COL5A1: variants seen among roughly 807,000 people sequenced by gnomAD.
The protein encoded by COL5A1 is collagen alpha-1(V) chain.
Under a neutral mutation model 263.7 loss-of-function variants are expected in COL5A1, and 16 were observed. That is an observed-to-expected ratio of 0.06 (90% CI 0.04 to 0.09). The LOEUF (loss-of-function observed/expected upper bound fraction) is 0.09. COL5A1 is among the 10% of genes least tolerant of loss of function. The pLI is 1.00. For synonymous variants in COL5A1, 1,012 were observed against 1,004.5 expected, an observed-to-expected ratio of 1.01 and a Z score of -0.14; for missense variants, 2,036 against 2,540.5, an observed-to-expected ratio of 0.80 and a Z score of 4.27.
At chr9:134,664,607 G>A (rs771107255) in intron 1 of COL5A1, among the ~76,000 whole-genome samples, 1 of 152,236 alleles carries the variant, frequency 6.6e-6, no homozygotes, top group Non-Finnish European at 1.5e-5. Flanking sequence ...CTCACAAGGA[G>A]AGAATGGAGG....
intron 4 of COL5A1, among the ~76,000 whole-genome samples, chr9:134,721,437 CCATCACTATCTCGTCT>C (rs1834452823): frequency 6.6e-6 from 1 of 152,096 alleles, no homozygotes; most frequent in South Asian, 2.1e-4. Context: ...TGTTTGGATC[CCATCACTATCTCGTCT>C]CTGCTCTGAA....
At chr9:134,711,457 A>C (rs868456157) in intron 4 of COL5A1, among the ~76,000 whole-genome samples, 1 of 152,120 alleles carries the variant, frequency 6.6e-6, no homozygotes, top group Non-Finnish European at 1.5e-5. Flanking sequence ...GTCTGTTTGA[A>C]GATCCAGCAG....
chr9:134,841,346 T>G lies in COL5A1; in HGVS notation c.5371-811T>G, dbSNP rs1830098116. On this transcript the variant is annotated intron_variant, in intron 65 of 65. Coordinates refer to ENST00000371817, the MANE Select transcript of COL5A1 (RefSeq NM_000093.5). This position sits in a 1 kb window ranked among gnomAD's most constrained non-coding sequence, Gnocchi z 4.8. ...CTCAGTTATAAAGAACACTGGGAGT[T>G]ATATTTGGGTGGCTTTGGGGAGGGA... is the stretch of plus-strand genomic sequence containing the variant. Among the ~76,000 whole-genome samples, 1 of 152,010 alleles carries G rather than the reference T, an allele frequency of 6.6e-6. No individual in the cohort carries two copies. Among genetic ancestry groups the G allele is most frequent in the African/African-American group, 2.4e-5 (1 of 41,388 alleles).
chr9:134,833,436 G>A (rs1158734646), intron 64 of COL5A1, among the ~76,000 whole-genome samples: 1 of 152,226 alleles, frequency 6.6e-6, no homozygotes, highest in Non-Finnish European at 1.5e-5. Flanking sequence ...CAGAGACTGG[G>A]AGGGCTTTCA....
At chr9:134,817,743 A>C (rs746472169) in intron 53 of COL5A1, 35 bp from the exon 54 acceptor site, 1 of 1,605,020 alleles carries the variant, frequency 6.2e-7, no homozygotes, top group Admixed American at 1.7e-5. Flanking sequence ...CCTGCAGGCC[A>C]CACTCACCAC....
At chr9:134,753,625 A>G (rs1835868492) in intron 14 of COL5A1, among the ~76,000 whole-genome samples, 1 of 152,218 alleles carries the variant, frequency 6.6e-6, no homozygotes, top group Non-Finnish European at 1.5e-5. Flanking sequence ...CTAGAATTGT[A>G]TTCCTGATTA....
At chr9:134,656,733 C>T (rs1164442418) in intron 1 of COL5A1, among the ~76,000 whole-genome samples, 2 of 151,498 alleles carry the variant, frequency 1.3e-5, no homozygotes, top group Admixed American at 6.6e-5. Context: ...GCTGTTAATA[C>T]GGAGGTTGGG....
chr9:134,708,427 G>C (rs770336441), intron 4 of COL5A1: 22 of 410,194 alleles, frequency 5.4e-5, no homozygotes, highest in Admixed American at 5.1e-4. Context: ...CCCGGGGTGG[G>C]GGCTCTGGTG....
At chr9:134,809,126 G>T (rs1284280727) in intron 42 of COL5A1, 57 bp from the exon 43 acceptor site, 12 of 1,382,632 alleles carry the variant, frequency 8.7e-6, no homozygotes, top group South Asian at 2.5e-5. Flanking sequence ...ATGAGCTGGT[G>T]GGGGGATGTT....
chr9:134,807,075 G>A (rs1430521125), intron 42 of COL5A1, among the ~76,000 whole-genome samples: 8 of 152,186 alleles, frequency 5.3e-5, no homozygotes, highest in African/African-American at 1.7e-4. Flanking sequence ...TTACCGTCCA[G>A]AAGTGGTCCA....
chr9:134,836,170 G>A lies in COL5A1; in HGVS notation c.5370+966G>A, dbSNP rs148252684. ...GGGTAAACGGGAAGCGGTTTACTCC[G>A]CTCCCAGCTCTGCAGGCTGTCCAGG... On this transcript the variant is annotated intron_variant, in intron 65 of 65. Transcript: ENST00000371817. Among the ~76,000 whole-genome samples, 724 of 152,322 alleles carry A rather than the reference G, an allele frequency of 4.8e-3. 6 individuals carry two copies. Among genetic ancestry groups the A allele is most frequent in the Non-Finnish European group, 8.0e-3 (543 of 68,026 alleles).
rs760262319 is a variant in COL5A1, at chr9:134,668,954, CCCATCCAT to C, written c.110-21930_110-21923del. ...AATCATCCATCCTTCCACCCACCCACCCATCCATCCATCCATCCATCCATCCATCCATC... is the reference window on the plus strand; with the variant it reads ...AATCATCCATCCTTCCACCCACCCACCCATCCATCCATCCATCCATCCATC... On this transcript the variant is annotated intron_variant, in intron 1 of 65. Transcript: ENST00000371817. Among the ~76,000 whole-genome samples the C allele has an allele frequency of 8.1e-5, 9 of 110,510 alleles. No homozygotes were observed. The East Asian group carries it at 1.9e-3, about 23-fold the overall frequency. 72.5% of individuals were successfully genotyped at this position (110,510 alleles called of 152,430 possible). A position where few individuals can be genotyped will look rare whatever the true frequency, so the allele number is the denominator to read the frequency against.
chr9:134,776,617 C>T (rs1013138737), intron 27 of COL5A1, among the ~76,000 whole-genome samples: 2 of 152,152 alleles, frequency 1.3e-5, no homozygotes, highest in East Asian at 1.9e-4. Context: ...TTGCGTGGGC[C>T]GAGCTGCCGC....
In COL5A1 at chr9:134,771,785, T is replaced by C. The variant is rs554928621; in HGVS notation, c.2287-1005T>C. 1.6e-4 allele frequency among the ~76,000 whole-genome samples: 25 copies of C among 152,224 alleles called. No individual in the cohort carries two copies. In the South Asian group the frequency reaches 2.3e-3, roughly 14 times the overall value. ...GCCCAAGCTCACACAGCAGGTTGAGTGTGTCCAGGAGTAGAACCCACCCTG... is the reference window on the plus strand; with the variant it reads ...GCCCAAGCTCACACAGCAGGTTGAGCGTGTCCAGGAGTAGAACCCACCCTG... On this transcript the variant is annotated intron_variant, in intron 25 of 65. Transcript: ENST00000371817.
intron 1 of COL5A1, among the ~76,000 whole-genome samples, chr9:134,651,262 C>T: frequency 6.6e-6 from 1 of 152,192 alleles, no homozygotes; most frequent in East Asian, 1.9e-4. Flanking sequence ...GACATAAAAA[C>T]AGTGTGGCGA....
At chr9:134,782,009 C>T (rs1160736034) in intron 28 of COL5A1, among the ~76,000 whole-genome samples, 2 of 152,226 alleles carry the variant, frequency 1.3e-5, no homozygotes, top group African/African-American at 4.8e-5. Flanking sequence ...CACCCGTGCC[C>T]TCTGCTGAAG....
rs529237611 is a variant in COL5A1 at position 134,747,167 on chromosome 9, CCTT to C, written c.1495-3369_1495-3367del. ...CTTTCCTTTCTTCTCCACACTGTCT[CCTT>C]CTTCTAGGACTTCACGTTATCCTTG... On this transcript the variant is annotated intron_variant, in intron 11 of 65. Transcript: ENST00000371817. Among the ~76,000 whole-genome samples, 497 of 152,300 alleles carry C rather than the reference CCTT, an allele frequency of 3.3e-3. 2 individuals carry two copies. The highest frequency in any genetic ancestry group is 0.011 in the African/African-American group (464 of 41,544).
In COL5A1 at chr9:134,659,793, G is replaced by A. The variant is rs1287057566; in HGVS notation, c.109+17497G>A. Among the ~76,000 whole-genome samples the A allele has an allele frequency of 5.3e-5, 8 of 152,310 alleles. No individual in the cohort carries two copies. The South Asian group carries it at 8.3e-4, about 16-fold the overall frequency. On this transcript the variant is annotated intron_variant, in intron 1 of 65. Transcript: ENST00000371817. Reference sequence around the variant, plus strand: ...GAGTACCGTCCTCGATGAGATCTGCGGATTAGATCTGGAGCCTGTGCCCAG... The same window carrying A: ...GAGTACCGTCCTCGATGAGATCTGCAGATTAGATCTGGAGCCTGTGCCCAG...
At chr9:134,703,861 G>A (rs184594743) in intron 4 of COL5A1, among the ~76,000 whole-genome samples, 185 of 151,928 alleles carry the variant, frequency 1.2e-3, no homozygotes, top group African/African-American at 4.3e-3. Flanking sequence ...GGATGGTCTC[G>A]ATCTCCTGAC....
Sources: gnomAD v4.1 joint callset for allele counts (sites outside exome capture counted in the v4.1 genomes callset) on GRCh38, gnomAD v4.1.1 for gene constraint, Gnocchi (gnomAD v3.1) non-coding constraint, MANE v1.5 for transcripts, NCBI Gene and HGNC (gene_info 2026-07-23, HGNC 2026-07-21) for gene names.